SORCS2: variants seen among roughly 807,000 people sequenced by gnomAD.
SORCS2 encodes the protein sortilin related VPS10 domain containing receptor 2.
SORCS2 carries 100 observed loss-of-function variants against 141.6 expected under a neutral mutation model. That is an observed-to-expected ratio of 0.71 (90% CI 0.60 to 0.83). SORCS2 has a LOEUF of 0.83. Among genes scored for constraint, SORCS2 ranks in the 40% least tolerant of loss-of-function variants. The pLI is 0.00. For synonymous variants in SORCS2, 789 were observed against 676.9 expected (o/e 1.17, Z -2.57); for missense variants, 1,646 against 1,560.2 (o/e 1.05, Z -0.93).
At chr4:7,407,433 A>T (rs181028908) in intron 2 of SORCS2, among the ~76,000 whole-genome samples, 5 of 151,940 alleles carry the variant, frequency 3.3e-5, no homozygotes, top group Non-Finnish European at 7.4e-5. Flanking sequence ...TTATATAGTG[A>T]CCTGCTTTGT....
intron 2 of SORCS2, among the ~76,000 whole-genome samples, chr4:7,505,301 G>A (rs1046251995): frequency 6.6e-6 from 1 of 152,222 alleles, no homozygotes; most frequent in East Asian, 1.9e-4. Flanking sequence ...AGGGACATAG[G>A]TGGCCGGCGG....
chr4:7,498,857 A>G (rs577750765), intron 2 of SORCS2, among the ~76,000 whole-genome samples: 2 of 152,288 alleles, frequency 1.3e-5, no homozygotes, highest in South Asian at 2.1e-4. Context: ...GAGAGGGACG[A>G]GTGCCCAGGG....
chr4:7,654,017 C>A, intron 4 of SORCS2, 117 bp from the exon 5 acceptor site: 1 of 988,178 alleles, frequency 1.0e-6, no homozygotes, highest in Non-Finnish European at 1.5e-6. Context: ...CGCGTGTCCG[C>A]TGGACAAGGA....
At chr4:7,288,072 CGGTGATTTCAGAT>C (rs1716347957) in intron 1 of SORCS2, among the ~76,000 whole-genome samples, 1 of 152,130 alleles carries the variant, frequency 6.6e-6, no homozygotes, top group Non-Finnish European at 1.5e-5. Context: ...CGGCCTCCTC[CGGTGATTTCAGAT>C]GGGGCTCCCC....
chr4:7,399,059 C>CTT (rs5855960), intron 2 of SORCS2, among the ~76,000 whole-genome samples: 7 of 152,000 alleles, frequency 4.6e-5, no homozygotes, highest in African/African-American at 7.2e-5. Flanking sequence ...CTTTAATTTG[C>CTT]TTTTTTTTTG....
intron 18 of SORCS2, among the ~76,000 whole-genome samples, chr4:7,721,953 A>G (rs1041494062): frequency 6.6e-6 from 1 of 152,198 alleles, no homozygotes; most frequent in African/African-American, 2.4e-5. Context: ...CAGGATGTGA[A>G]TGGAGGGTAT....
At chr4:7,465,179 CCAGGCAGCCCCGAG>C (rs1043797433) in intron 2 of SORCS2, among the ~76,000 whole-genome samples, 1 of 152,212 alleles carries the variant, frequency 6.6e-6, no homozygotes, top group African/African-American at 2.4e-5. Context: ...TGGGCGCGGA[CCAGGCAGCCCCGAG>C]CAGGAGGCCT....
intron 17 of SORCS2, among the ~76,000 whole-genome samples, chr4:7,717,717 GCTGTTA>G (rs75890202): frequency 0.13 from 20,471 of 152,114 alleles, 1,882 homozygotes; most frequent in African/African-American, 0.26. Flanking sequence ...ACTAACGGTG[GCTGTTA>G]CTGTTACTGT....
rs569316436 is a variant in SORCS2 at position 7,286,223 on chromosome 4, G to A, written c.480+93097G>A. Among the ~76,000 whole-genome samples the A allele has an allele frequency of 5.9e-5, 9 of 152,302 alleles. No individual in the cohort carries two copies. Among genetic ancestry groups the A allele is most frequent in the East Asian group, 1.9e-4 (1 of 5,184 alleles). On this transcript the variant is annotated intron_variant, in intron 1 of 26. Transcript: ENST00000507866. The surrounding 1 kb of genome is among the most constrained non-coding windows in gnomAD (Gnocchi z 4.1). ...CACGACTCGGACCCTGAGTCTCCTC[G>A]CGTGGGAAGTGGGCACAGCCTCATG... is the stretch of plus-strand genomic sequence containing the variant.
Position 7,703,172 on chromosome 4 carries a change from A to G in SORCS2, c.1669-108A>G, listed in dbSNP as rs1238480592. 5.7e-6 allele frequency: 5 copies of G among 872,516 alleles called. No individual in the cohort carries two copies. In the East Asian group the frequency reaches 1.1e-4, roughly 20 times the overall value. The allele number at this position is 872,516 out of a possible 1,614,324, so 54.0% of individuals were successfully genotyped here. A position where few individuals can be genotyped will look rare whatever the true frequency, so the allele number is the denominator to read the frequency against. On this transcript the variant is annotated intron_variant, in intron 12 of 26. Transcript: ENST00000507866. ...CTCAGACCGGCCTTGGCCTCTGCCAACAACCCCCGGCTGCACATTGACAAC... is the reference window on the plus strand; with the variant it reads ...CTCAGACCGGCCTTGGCCTCTGCCAGCAACCCCCGGCTGCACATTGACAAC...
At chr4:7,511,503 A>T (rs1024294407) in intron 2 of SORCS2, among the ~76,000 whole-genome samples, 3 of 151,898 alleles carry the variant, frequency 2.0e-5, no homozygotes, top group Non-Finnish European at 2.9e-5. Flanking sequence ...AGAGAGACAG[A>T]GAAACAGAGA....
chr4:7,421,036 G>C (rs977497562), intron 2 of SORCS2, among the ~76,000 whole-genome samples: 1 of 152,202 alleles, frequency 6.6e-6, no homozygotes, highest in African/African-American at 2.4e-5. Context: ...CTTGGAGATG[G>C]AGACCCGGGC....
intron 1 of SORCS2, among the ~76,000 whole-genome samples, chr4:7,210,676 T>C (rs1363085826): frequency 6.6e-6 from 1 of 152,242 alleles, no homozygotes; most frequent in Non-Finnish European, 1.5e-5. Flanking sequence ...GCCTTGCCTA[T>C]GTTCTGAGAG....
chr4:7,570,370 A>G (rs1261188963), intron 3 of SORCS2, among the ~76,000 whole-genome samples: 3 of 151,974 alleles, frequency 2.0e-5, no homozygotes, highest in African/African-American at 7.3e-5. Context: ...TGGGACGCAG[A>G]CCCTCCCACT....
At chr4:7,544,958 T>C (rs1713130305) in intron 3 of SORCS2, among the ~76,000 whole-genome samples, 1 of 152,190 alleles carries the variant, frequency 6.6e-6, no homozygotes, top group Non-Finnish European at 1.5e-5. Flanking sequence ...CAATCAGCGA[T>C]GTTCTCCATT....
Position 7,737,104 on chromosome 4 carries a change from A to G in SORCS2, c.3347A>G (p.His1116Arg), listed in dbSNP as rs1334400341. ...GGCAGGACCGTGTACGCCCAAATGCACAACGAGAAGGAGCAGGAGATGACC... is the reference window on the plus strand; with the variant it reads ...GGCAGGACCGTGTACGCCCAAATGCGCAACGAGAAGGAGCAGGAGATGACC... ...RPGRTVYAQM[H>R]NEKEQEMTSP... Residue 1116 changes from histidine (H) to arginine (R), a missense_variant, in exon 26 of 27, where the codon CAC becomes CGC. Coordinates refer to ENST00000507866, the MANE Select transcript of SORCS2 (RefSeq NM_020777.3). The G allele has an allele frequency of 6.4e-7, 1 of 1,551,444 alleles. No individual in the cohort carries two copies. The highest frequency in any genetic ancestry group is 8.7e-7 in the Non-Finnish European group (1 of 1,146,936).
intron 1 of SORCS2, among the ~76,000 whole-genome samples, chr4:7,390,952 C>T (rs529217108): frequency 1.3e-5 from 2 of 152,268 alleles, no homozygotes; most frequent in South Asian, 4.1e-4. Context: ...AACTCAGAAA[C>T]GTGCCAGTGA....
At chr4:7,325,394 G>A (rs776320287) in intron 1 of SORCS2, among the ~76,000 whole-genome samples, 2 of 152,104 alleles carry the variant, frequency 1.3e-5, no homozygotes, top group Non-Finnish European at 2.9e-5. Context: ...CAGACCCCTA[G>A]GAAATAATGA....
intron 2 of SORCS2, chr4:7,434,016 C>T: frequency 6.2e-7 from 1 of 1,612,448 alleles, no homozygotes; most frequent in Non-Finnish European, 8.5e-7. Flanking sequence ...CACCGGCCTT[C>T]ATCTGCATCT....
Sources: allele counts gnomAD v4.1 joint callset (sites outside exome capture counted in the v4.1 genomes callset), GRCh38; gene constraint gnomAD v4.1.1; non-coding constraint Gnocchi (gnomAD v3.1); transcripts MANE v1.5; gene names NCBI Gene and HGNC (gene_info 2026-07-23, HGNC 2026-07-21).